SCCPDH: variants seen among roughly 807,000 people sequenced by gnomAD.
SCCPDH encodes saccharopine dehydrogenase (putative), also known as saccharopine dehydrogenase-like oxidoreductase.
In SCCPDH, 34 loss-of-function variants were observed where a neutral mutation model predicts 51.5. That is an observed-to-expected ratio of 0.66 (90% CI 0.50 to 0.88). The LOEUF is 0.88. Ranked by LOEUF, SCCPDH falls within the 40% of genes least tolerant of loss-of-function variation. SCCPDH has a pLI of 0.00. For missense variants in SCCPDH, 464 were observed against 527.1 expected (o/e 0.88, Z 1.17); for synonymous variants, 187 against 191.3 (o/e 0.98, Z 0.19).
intron 10 of SCCPDH, among the ~76,000 whole-genome samples, chr1:246,765,358 G>T (rs920388281): frequency 5.3e-5 from 8 of 152,198 alleles, no homozygotes; most frequent in Non-Finnish European, 8.8e-5. Flanking sequence ...TAAAGGGTTG[G>T]GATTACAGGC....
chr1:246,756,682 G>A (rs764076942), intron 5 of SCCPDH, among the ~76,000 whole-genome samples: 2 of 152,154 alleles, frequency 1.3e-5, no homozygotes, highest in Non-Finnish European at 2.9e-5. Context: ...TAAGACTTTA[G>A]TTCTGTTGTA....
At chr1:246,765,978 A>G (rs1052352656) in intron 10 of SCCPDH, 80 bp from the exon 11 acceptor site, 1 of 933,686 alleles carries the variant, frequency 1.1e-6, no homozygotes, top group African/African-American at 1.7e-5. Context: ...AAGATATAAA[A>G]TCTACCATTT....
intron 4 of SCCPDH, among the ~76,000 whole-genome samples, chr1:246,741,894 T>G (rs112025904): frequency 0.014 from 2,159 of 151,928 alleles, 48 homozygotes; most frequent in African/African-American, 0.05. Flanking sequence ...TGGTGAAACC[T>G]TGTCTCTACT....
intron 4 of SCCPDH, among the ~76,000 whole-genome samples, chr1:246,742,257 C>T (rs1343657198): frequency 6.6e-6 from 1 of 152,206 alleles, no homozygotes; most frequent in Non-Finnish European, 1.5e-5. Context: ...GCTTTAACGT[C>T]TGTGAAGTTT....
chr1:246,766,867 A>C (rs1669092306), intron 11 of SCCPDH, among the ~76,000 whole-genome samples: 1 of 151,834 alleles, frequency 6.6e-6, no homozygotes, highest in Admixed American at 6.5e-5. Context: ...TCTTTCTTTA[A>C]TCCCCCTAAG....
intron 4 of SCCPDH, among the ~76,000 whole-genome samples, chr1:246,742,455 CT>C (rs1668695418): frequency 6.6e-6 from 1 of 152,178 alleles, no homozygotes; most frequent in South Asian, 2.1e-4. Context: ...AGGTGGTCCA[CT>C]TTTATTGGAT....
intron 5 of SCCPDH, among the ~76,000 whole-genome samples, chr1:246,744,695 A>G (rs1312916215): frequency 6.6e-6 from 1 of 151,700 alleles, no homozygotes; most frequent in Non-Finnish European, 1.5e-5. Context: ...GGCTCACTCA[A>G]TCTCTGCCTC....
At chr1:246,759,869 T>C in intron 7 of SCCPDH, 88 bp from the exon 8 acceptor site, 1 of 1,368,036 alleles carries the variant, frequency 7.3e-7, no homozygotes, top group Non-Finnish European at 1.0e-6. Flanking sequence ...ACATTTGTGA[T>C]GGAAGAGAAA....
intron 5 of SCCPDH, among the ~76,000 whole-genome samples, chr1:246,751,775 C>CTT: frequency 4.8e-5 from 2 of 41,590 alleles, no homozygotes; most frequent in Non-Finnish European, 4.8e-5. Flanking sequence ...CATAAATTCT[C>CTT]CTTTTTTTTT....
At position 246,724,411 on chromosome 1, in the gene SCCPDH, T is replaced by C; in HGVS notation, c.-12T>C. 4 of 1,553,572 alleles carry C rather than the reference T, an allele frequency of 2.6e-6. No homozygotes were observed. Among genetic ancestry groups the C allele is most frequent in the Non-Finnish European group, 3.5e-6 (4 of 1,153,156 alleles). The stretch of plus-strand genomic sequence containing the variant: ...CACCCGCCCCGGGGCCTGGGCTCGC[T>C]GTGGACTCGTCATGGCGACCGAGCA... On this transcript the variant is annotated 5_prime_UTR_variant, in exon 1 of 12. Transcript: ENST00000366510.
At chr1:246,750,857 C>G (rs139214615) in intron 5 of SCCPDH, among the ~76,000 whole-genome samples, 1 of 152,198 alleles carries the variant, frequency 6.6e-6, no homozygotes, top group African/African-American at 2.4e-5. Context: ...ACTCCTTCCC[C>G]CAAGGGGTAA....
At chr1:246,730,691 T>C (rs1489347494) in intron 2 of SCCPDH, among the ~76,000 whole-genome samples, 1 of 152,230 alleles carries the variant, frequency 6.6e-6, no homozygotes, top group Non-Finnish European at 1.5e-5. Flanking sequence ...TTCTGATATT[T>C]ACTTCCACCC....
At chr1:246,742,791 G>C (rs189210412) in intron 4 of SCCPDH, among the ~76,000 whole-genome samples, 1 of 152,216 alleles carries the variant, frequency 6.6e-6, no homozygotes, top group Non-Finnish European at 1.5e-5. Flanking sequence ...ATCAGATTTT[G>C]AGAATTAGCC....
intron 5 of SCCPDH, among the ~76,000 whole-genome samples, chr1:246,745,874 C>T (rs550864853): frequency 1.5e-4 from 22 of 151,618 alleles, no homozygotes; most frequent in South Asian, 8.4e-4. Context: ...TTTGGGAGGC[C>T]GAGGCGGGCA....
intron 9 of SCCPDH, among the ~76,000 whole-genome samples, chr1:246,764,014 C>T (rs1669055010): frequency 6.6e-6 from 1 of 152,074 alleles, no homozygotes; most frequent in South Asian, 2.1e-4. Flanking sequence ...TTTATTTCCT[C>T]CCTATTTCTT....
At chr1:246,759,543 G>A (rs1013864295) in intron 7 of SCCPDH, among the ~76,000 whole-genome samples, 2 of 152,176 alleles carry the variant, frequency 1.3e-5, no homozygotes, top group Admixed American at 6.5e-5. Flanking sequence ...GGCGAGGAAA[G>A]TAATTGCTTT....
intron 2 of SCCPDH, among the ~76,000 whole-genome samples, chr1:246,733,794 G>A (rs1208726277): frequency 6.6e-6 from 1 of 152,104 alleles, no homozygotes; most frequent in African/African-American, 2.4e-5. Context: ...AGAAAATCAG[G>A]GGGAAGAGAA....
chr1:246,725,863 G>A (rs989852851), intron 1 of SCCPDH, among the ~76,000 whole-genome samples: 1 of 152,088 alleles, frequency 6.6e-6, no homozygotes, highest in African/African-American at 2.4e-5. Flanking sequence ...TCACTTAGTT[G>A]AGCCAGTTAA....
intron 5 of SCCPDH, among the ~76,000 whole-genome samples, chr1:246,757,802 G>T (rs894807730): frequency 6.6e-6 from 1 of 152,120 alleles, no homozygotes; most frequent in African/African-American, 2.4e-5. Flanking sequence ...ATGCATAAAT[G>T]TGCACACGGA....
Sources: gnomAD v4.1 joint callset for allele counts (sites outside exome capture counted in the v4.1 genomes callset) on GRCh38, gnomAD v4.1.1 for gene constraint, MANE v1.5 for transcripts, NCBI Gene and HGNC (gene_info 2026-07-23, HGNC 2026-07-21) for gene names.